Variants in PWP1 observed in about 807,000 individuals in gnomAD.
The protein encoded by PWP1 is PWP1 homolog, endonuclein.
Under a neutral mutation model 69.9 loss-of-function variants are expected in PWP1, and 47 were observed. The observed-to-expected ratio is 0.67, with a 90% CI of 0.53 to 0.86. The LOEUF is 0.86. Ranked by LOEUF, PWP1 falls within the 40% of genes least tolerant of loss-of-function variation. The pLI is 0.00. For synonymous variants in PWP1, 222 were observed against 208.2 expected (o/e 1.07, Z -0.57); for missense variants, 551 against 608.8 (o/e 0.91, Z 1.00).
Position 107,707,196 on chromosome 12 carries a change from T to C in PWP1, c.1078-1730T>C, listed in dbSNP as rs922441678. On this transcript the variant is annotated intron_variant, in intron 11 of 14. Coordinates refer to ENST00000412830, the MANE Select transcript of PWP1 (RefSeq NM_007062.3). ...GGGAGTTCACTCATGATTTGGCTGTTTGTCTATTATTGGTGTATAAGAATG... is the reference window on the plus strand; with the variant it reads ...GGGAGTTCACTCATGATTTGGCTGTCTGTCTATTATTGGTGTATAAGAATG... Among the ~76,000 whole-genome samples the C allele has an allele frequency of 9.9e-4, 150 of 151,136 alleles. 1 individual carries two copies. Among genetic ancestry groups the C allele is most frequent in the African/African-American group, 3.5e-3 (141 of 40,676 alleles).
chr12:107,707,643 A>G (rs1889850274), intron 11 of PWP1, among the ~76,000 whole-genome samples: 1 of 152,152 alleles, frequency 6.6e-6, no homozygotes, highest in Admixed American at 6.6e-5. Context: ...TTCTGCATCT[A>G]TTGAGATAAT....
In PWP1 at chr12:107,709,184, C is replaced by T; in HGVS notation, c.1242C>T (p.Asp414=). 6.2e-7 allele frequency: 1 copy of T among 1,613,796 alleles called. No individual in the cohort carries two copies. The highest frequency in any genetic ancestry group is 8.5e-7 in the Non-Finnish European group (1 of 1,179,762). ...CTGACAAATACGTGAAGATCTGGGA[C>T]ATCTTAGGAGATAGGCCAAGTCTAG... The part of the protein sequence containing the change: ...ASADKYVKIW[D]ILGDRPSLVH... The change falls in exon 13 of 15, where the codon GAC becomes GAT. Residue 414 remains aspartate, a synonymous_variant. Transcript: ENST00000412830.
At chr12:107,700,261 AG>A (rs1889680427) in intron 8 of PWP1, among the ~76,000 whole-genome samples, 2 of 152,182 alleles carry the variant, frequency 1.3e-5, no homozygotes, top group South Asian at 4.1e-4. Flanking sequence ...GTACATTCAC[AG>A]AGTTGTGCAA....
intron 10 of PWP1, 81 bp from the exon 11 acceptor site, chr12:107,704,555 A>T: frequency 1.1e-6 from 1 of 946,042 alleles, no homozygotes; most frequent in South Asian, 1.5e-5. Flanking sequence ...TCACAGTGCT[A>T]TTTTATTACT....
At position 107,710,668 on chromosome 12, in the gene PWP1, G is replaced by A. The variant is rs949806012; in HGVS notation, c.1396+158G>A. Among the ~76,000 whole-genome samples the A allele has an allele frequency of 2.6e-5, 4 of 151,924 alleles. No individual in the cohort carries two copies. The East Asian group carries it at 7.7e-4, about 29-fold the overall frequency. ...CTTCTGTATAGCTGGGATTACAGGT[G>A]TGAGCCATCATGCTGGCCTCTCCTC... is the stretch of plus-strand genomic sequence containing the variant. On this transcript the variant is annotated intron_variant, in intron 14 of 14. Coordinates refer to ENST00000412830, the MANE Select transcript of PWP1 (RefSeq NM_007062.3).
At position 107,692,770 on chromosome 12, in the gene PWP1, A is replaced by G. The variant is rs116174656; in HGVS notation, c.320-44A>G. 1.0e-3 allele frequency: 1,495 copies of G among 1,488,402 alleles called. 14 individuals are homozygous for G. In the African/African-American group the frequency reaches 0.019, roughly 19 times the overall value. 92.2% of individuals were successfully genotyped at this position (1,488,402 alleles called of 1,614,324 possible). A position where few individuals can be genotyped will look rare whatever the true frequency, so the allele number is the denominator to read the frequency against. ...ATGTCATAGGAAATATGTTTTTGTC[A>G]AGATGACTATTTTATTATTGTAGTT... On this transcript the variant is annotated intron_variant, in intron 3 of 14. Transcript: ENST00000412830.
chr12:107,712,007 C>A, intron 14 of PWP1, 104 bp from the exon 15 acceptor site: 1 of 838,634 alleles, frequency 1.2e-6, no homozygotes, highest in South Asian at 1.8e-5. Flanking sequence ...CTCACTTTAC[C>A]ATTTATAAAG....
chr12:107,697,585 G>T lies in PWP1; in HGVS notation c.732G>T (p.Lys244Asn). Residue 244 changes from lysine to asparagine, a missense_variant, in exon 7 of 15, where the codon AAG becomes AAT. Transcript: ENST00000412830. ...GTAAACTTTCAAAAAAGAAGAAAAAGAAAGGAAAGAAGGTAAAGAAGTTAA... is the reference window on the plus strand; with the variant it reads ...GTAAACTTTCAAAAAAGAAGAAAAATAAAGGAAAGAAGGTAAAGAAGTTAA... Reference protein sequence around the residue: ...LGSKLSKKKKKKGKKSSSAEG... With the variant: ...LGSKLSKKKKNKGKKSSSAEG... 2 of 1,602,614 alleles carry T rather than the reference G, an allele frequency of 1.2e-6. No individual in the cohort carries two copies. Among genetic ancestry groups the T allele is most frequent in the East Asian group, 2.2e-5 (1 of 44,780 alleles).
chr12:107,686,896 G>T (rs1309642804), intron 1 of PWP1, among the ~76,000 whole-genome samples: 5 of 150,912 alleles, frequency 3.3e-5, no homozygotes, highest in Non-Finnish European at 7.4e-5. Flanking sequence ...AACCCGGGAG[G>T]CGGAGCTTGC....
intron 3 of PWP1, among the ~76,000 whole-genome samples, chr12:107,690,528 A>G (rs1002290324): frequency 6.6e-6 from 1 of 152,142 alleles, no homozygotes; most frequent in Non-Finnish European, 1.5e-5. Flanking sequence ...CTGTAGTGCA[A>G]TCTCGGCTCA....
chr12:107,687,403 T>A (rs1889390806), intron 1 of PWP1, among the ~76,000 whole-genome samples: 2 of 152,228 alleles, frequency 1.3e-5, no homozygotes, highest in South Asian at 4.1e-4. Context: ...AATCTCACAC[T>A]TGGGGAGGTT....
intron 3 of PWP1, among the ~76,000 whole-genome samples, chr12:107,691,631 G>A (rs116573756): frequency 0.014 from 2,189 of 152,196 alleles, 60 homozygotes; most frequent in African/African-American, 0.05. Flanking sequence ...CATCATCCTA[G>A]TGGATGAACT....
chr12:107,687,279 T>C (rs145941088), intron 1 of PWP1, among the ~76,000 whole-genome samples: 1 of 152,286 alleles, frequency 6.6e-6, no homozygotes, highest in East Asian at 1.9e-4. Context: ...ATTTATAGAA[T>C]AGGGACAGAA....
chr12:107,711,185 C>CTGCA (rs1466082412), intron 14 of PWP1, among the ~76,000 whole-genome samples: 10 of 152,222 alleles, frequency 6.6e-5, no homozygotes, highest in African/African-American at 2.4e-4. Flanking sequence ...GGCTAGTTAA[C>CTGCA]TGCAGCAGGA....
intron 7 of PWP1, among the ~76,000 whole-genome samples, chr12:107,698,054 G>A (rs906388718): frequency 7.9e-5 from 12 of 152,178 alleles, no homozygotes; most frequent in Non-Finnish European, 1.6e-4. Flanking sequence ...TATAATTACA[G>A]TACCTAGATT....
chr12:107,697,567 T>C lies in PWP1; in HGVS notation c.714T>C (p.Leu238=), dbSNP rs375698016. 3.1e-6 allele frequency: 5 copies of C among 1,605,302 alleles called. No individual in the cohort carries two copies. The African/African-American group carries it at 4.0e-5, about 13-fold the overall frequency. Reference sequence around the variant, plus strand: ...CAGTCTTCACACTCGGAAGTAAACTTTCAAAAAAGAAGAAAAAGAAAGGAA... The same window carrying C: ...CAGTCTTCACACTCGGAAGTAAACTCTCAAAAAAGAAGAAAAAGAAAGGAA... ...LEPVFTLGSK[L]SKKKKKKGKK... Residue 238 remains leucine (L), a synonymous_variant, in exon 7 of 15, where the codon CTT becomes CTC. Coordinates refer to ENST00000412830, the MANE Select transcript of PWP1 (RefSeq NM_007062.3).
chr12:107,709,083 G>GA (rs753043911), intron 12 of PWP1, 28 bp from the exon 13 acceptor site: 22 of 1,613,518 alleles, frequency 1.4e-5, no homozygotes, highest in Middle Eastern at 1.6e-4. Flanking sequence ...ATTTCAAAGC[G>GA]AAAGTGTCTA....
intron 8 of PWP1, among the ~76,000 whole-genome samples, chr12:107,701,461 A>C (rs542921282): frequency 1.3e-5 from 2 of 151,738 alleles, no homozygotes; most frequent in Non-Finnish European, 2.9e-5. Flanking sequence ...TGTCTACTTT[A>C]TTTCTTTTGT....
At chr12:107,688,326 A>T (rs1889413655) in intron 1 of PWP1, 122 bp from the exon 2 acceptor site, 1 of 736,794 alleles carries the variant, frequency 1.4e-6, no homozygotes, top group East Asian at 2.8e-5. Context: ...TTGATGTTTG[A>T]TTCTTATCTT....
Sources: gnomAD v4.1 joint callset for allele counts (sites outside exome capture counted in the v4.1 genomes callset) on GRCh38, gnomAD v4.1.1 for gene constraint, MANE v1.5 for transcripts, NCBI Gene and HGNC (gene_info 2026-07-23, HGNC 2026-07-21) for gene names.